Variants in GALNT13 observed in about 807,000 individuals in gnomAD.
The protein encoded by GALNT13 is polypeptide N-acetylgalactosaminyltransferase 13, also known as UDP-GalNAc:polypeptide N-acetylgalactosaminyltransferase 13.
A neutral mutation model predicts 64.2 loss-of-function variants in GALNT13; 28 were observed. The observed-to-expected ratio is 0.44, with a 90% confidence interval of 0.32 to 0.60. The LOEUF is 0.60. GALNT13 is among the 20% of genes least tolerant of loss of function. The probability of loss-of-function intolerance (pLI) is 0.05; values close to 1 mark genes in which losing one functional copy is unlikely to be tolerated. For missense variants in GALNT13, 577 were observed against 669.8 expected (o/e 0.86, Z 1.53); for synonymous variants, 214 against 224.6 (o/e 0.95, Z 0.42).
At chr2:153,630,808 T>TATATATATATATATATATATATA in the GALNT13 span, among the ~76,000 whole-genome samples, 2 of 16,984 alleles carry the variant, frequency 1.2e-4, no homozygotes, top group African/African-American at 4.9e-4. Context: ...TATATATATA[T>TATATATATATATATATATATATA]TTTTTTTTTT....
In GALNT13 at chr2:154,389,166, C is replaced by T. The variant is rs80113294; in HGVS notation, c.1157-6825C>T. Among the ~76,000 whole-genome samples the T allele has an allele frequency of 2.7e-3, 410 of 152,114 alleles. 2 individuals are homozygous for T. Among genetic ancestry groups the T allele is most frequent in the African/African-American group, 9.3e-3 (387 of 41,518 alleles). On this transcript the variant is annotated intron_variant, in intron 9 of 12. Coordinates refer to ENST00000392825, the MANE Select transcript of GALNT13 (RefSeq NM_052917.4). ...GGGGTGGTTTTTTGAGATGTGGTCT[C>T]GCTCTGTCACCCAGGCTGGAGAACA... is the stretch of plus-strand genomic sequence containing the variant.
the GALNT13 span, among the ~76,000 whole-genome samples, chr2:153,866,664 T>G: frequency 1.3e-5 from 2 of 152,220 alleles, no homozygotes; most frequent in African/African-American, 4.8e-5. Flanking sequence ...AATAATAAGA[T>G]ATATTGAATC....
the GALNT13 span, among the ~76,000 whole-genome samples, chr2:153,098,378 G>A: frequency 1.7e-4 from 26 of 152,246 alleles, no homozygotes; most frequent in Admixed American, 9.2e-4. Flanking sequence ...AAAGTGAAAA[G>A]CCATGTTTGC....
At chr2:153,533,150 G>T in the GALNT13 span, among the ~76,000 whole-genome samples, 3 of 151,964 alleles carry the variant, frequency 2.0e-5, no homozygotes, top group South Asian at 6.2e-4. Flanking sequence ...TTTAAAAAAT[G>T]TTTTTCTTTA....
At chr2:153,792,642 T>C in the GALNT13 span, among the ~76,000 whole-genome samples, 2 of 152,216 alleles carry the variant, frequency 1.3e-5, no homozygotes, top group Non-Finnish European at 2.9e-5. Flanking sequence ...TGATTTTTAA[T>C]AGCTACATAA....
At chr2:154,339,978 G>T (rs573849955) in intron 9 of GALNT13, among the ~76,000 whole-genome samples, 1 of 152,154 alleles carries the variant, frequency 6.6e-6, no homozygotes, top group Non-Finnish European at 1.5e-5. Flanking sequence ...GAGGTATTTT[G>T]CAGGTGTATT....
chr2:153,151,724 G>A, the GALNT13 span, among the ~76,000 whole-genome samples: 10 of 151,318 alleles, frequency 6.6e-5, no homozygotes, highest in Middle Eastern at 3.4e-3. Context: ...GCAAACTATC[G>A]CAAGGACAAA....
the GALNT13 span, among the ~76,000 whole-genome samples, chr2:153,776,432 T>A: frequency 6.6e-6 from 1 of 152,224 alleles, no homozygotes; most frequent in African/African-American, 2.4e-5. Context: ...ATGTTTAGAT[T>A]TCCCTGTTTA....
At chr2:153,275,238 C>G in the GALNT13 span, among the ~76,000 whole-genome samples, 1 of 152,014 alleles carries the variant, frequency 6.6e-6, no homozygotes, top group African/African-American at 2.4e-5. Context: ...TAAATAATAA[C>G]ATAGTCAACT....
At chr2:154,365,661 C>T (rs923100158) in intron 9 of GALNT13, among the ~76,000 whole-genome samples, 1 of 152,192 alleles carries the variant, frequency 6.6e-6, no homozygotes, top group Non-Finnish European at 1.5e-5. Context: ...GGAAATGTTT[C>T]TTCACCAGCT....
At position 154,242,208 on chromosome 2, in the gene GALNT13, T is replaced by TTTTTTG; in HGVS notation, c.478+30_478+35dup. The TTTTTTG allele has an allele frequency of 1.2e-6, 2 of 1,602,922 alleles. No homozygotes were observed. Among genetic ancestry groups the TTTTTTG allele is most frequent in the Non-Finnish European group, 8.5e-7 (1 of 1,176,732 alleles). ...TGCCAGTGAAAGAGGTACAAACTGGTTTTTTGTTTTTGTTTTTGTTTTTTT... is the reference window on the plus strand; with the variant it reads ...TGCCAGTGAAAGAGGTACAAACTGGTTTTTTGTTTTTGTTTTTGTTTTTGTTTTTTT... On this transcript the variant is annotated intron_variant, in intron 5 of 12. Transcript: ENST00000392825.
At chr2:154,012,753 G>C (rs1303555468) in intron 3 of GALNT13, among the ~76,000 whole-genome samples, 4 of 151,888 alleles carry the variant, frequency 2.6e-5, no homozygotes, top group Non-Finnish European at 4.4e-5. Flanking sequence ...CTGAGGTTTT[G>C]TTCATTCTTT....
chr2:153,786,846 C>A, the GALNT13 span, among the ~76,000 whole-genome samples: 1 of 152,184 alleles, frequency 6.6e-6, no homozygotes, highest in Non-Finnish European at 1.5e-5. Context: ...TCCACACCTC[C>A]AACAAGTAGC....
chr2:153,345,703 C>CTTTCTTTCTT, the GALNT13 span, among the ~76,000 whole-genome samples: 9 of 65,774 alleles, frequency 1.4e-4, 1 homozygote, highest in East Asian at 3.2e-4. Context: ...TTCTTTCTTT[C>CTTTCTTTCTT]TCTTTCTCTC....
At chr2:153,974,926 C>T (rs1009105079) in intron 3 of GALNT13, among the ~76,000 whole-genome samples, 1 of 151,874 alleles carries the variant, frequency 6.6e-6, no homozygotes, top group African/African-American at 2.4e-5. Context: ...AATGTTTTTT[C>T]TTAAGTGATA....
At chr2:154,313,612 G>C (rs1394938162) in intron 9 of GALNT13, among the ~76,000 whole-genome samples, 1 of 151,776 alleles carries the variant, frequency 6.6e-6, no homozygotes, top group Middle Eastern at 3.4e-3. Context: ...GCATCACCAT[G>C]CCCAGCTAAT....
At chr2:153,755,564 A>C in the GALNT13 span, among the ~76,000 whole-genome samples, 1 of 152,044 alleles carries the variant, frequency 6.6e-6, no homozygotes, top group Non-Finnish European at 1.5e-5. Context: ...AAAAATACCT[A>C]TTCAGGTCCC....
At chr2:153,103,035 C>A in the GALNT13 span, among the ~76,000 whole-genome samples, 4 of 152,074 alleles carry the variant, frequency 2.6e-5, no homozygotes, top group Non-Finnish European at 4.4e-5. Flanking sequence ...AGTCCCCCTG[C>A]CTTTAAACTT....
chr2:153,430,437 C>T, the GALNT13 span, among the ~76,000 whole-genome samples: 10 of 151,754 alleles, frequency 6.6e-5, no homozygotes, highest in African/African-American at 1.9e-4. Flanking sequence ...TAAAGTTACA[C>T]GTGGTGTATT....
Sources: allele counts gnomAD v4.1 joint callset (sites outside exome capture counted in the v4.1 genomes callset), GRCh38; gene constraint gnomAD v4.1.1; transcripts MANE v1.5; gene names NCBI Gene and HGNC (gene_info 2026-07-23, HGNC 2026-07-21).